GFRA1: variants seen among roughly 807,000 people sequenced by gnomAD.
GFRA1 encodes the protein GDNF family receptor alpha-1.
A neutral mutation model predicts 51.6 loss-of-function variants in GFRA1; 16 were observed. The observed-to-expected ratio is 0.31, with a 90% CI of 0.21 to 0.47. The LOEUF (loss-of-function observed/expected upper bound fraction) is 0.47. GFRA1 is among the 20% of genes least tolerant of loss of function. GFRA1 has a pLI of 1.00. For missense variants in GFRA1, 530 were observed against 594.3 expected (o/e 0.89, Z 1.13); for synonymous variants, 270 against 241.3 (o/e 1.12, Z -1.10).
chr10:116,101,207 C>A (rs1956805651), intron 6 of GFRA1, among the ~76,000 whole-genome samples: 1 of 152,184 alleles, frequency 6.6e-6, no homozygotes, highest in Non-Finnish European at 1.5e-5. Context: ...ATGTCAATGG[C>A]TTCCCTGCCT....
intron 5 of GFRA1, among the ~76,000 whole-genome samples, chr10:116,142,280 C>T (rs12762003): frequency 0.15 from 22,604 of 152,122 alleles, 2,042 homozygotes; most frequent in East Asian, 0.2. Context: ...GCCTGCAGTC[C>T]TTGAAAGCCA....
rs1388564560 is a variant in GFRA1 at position 116,067,218 on chromosome 10, G to A, written c.1198-1592C>T. ...AATAGCAAATCTGGTCCACTGCATT[G>A]TCACCTACAGAGAGTAATGTGTAGT... is the stretch of plus-strand genomic sequence containing the variant. On this transcript the variant is annotated intron_variant, in intron 9 of 10. Transcript: ENST00000355422. 2.0e-5 allele frequency among the ~76,000 whole-genome samples: 3 copies of A among 152,280 alleles called. No homozygotes were observed. The East Asian group carries it at 5.8e-4, about 29-fold the overall frequency.
chr10:116,267,939 TAACACACA>T (rs1355256551), intron 4 of GFRA1, among the ~76,000 whole-genome samples: 5 of 74,164 alleles, frequency 6.7e-5, no homozygotes, highest in Non-Finnish European at 1.4e-4. Context: ...ACTGACAGAC[TAACACACA>T]CACACACACA....
chr10:116,130,265 TTATA>T (rs1958052665), intron 5 of GFRA1, among the ~76,000 whole-genome samples: 2 of 152,102 alleles, frequency 1.3e-5, no homozygotes, highest in Middle Eastern at 3.4e-3. Flanking sequence ...ACTTAATAGC[TTATA>T]TAGTTTTAAC....
chr10:116,076,747 G>A (rs900412202), intron 9 of GFRA1, among the ~76,000 whole-genome samples: 2 of 152,090 alleles, frequency 1.3e-5, no homozygotes, highest in Non-Finnish European at 2.9e-5. Context: ...TGTTTTCAAG[G>A]GTCCTGGGAC....
At chr10:116,173,201 C>A (rs1013614265) in intron 5 of GFRA1, among the ~76,000 whole-genome samples, 6 of 152,328 alleles carry the variant, frequency 3.9e-5, no homozygotes, top group African/African-American at 1.4e-4. Flanking sequence ...CTCATCCTCA[C>A]CTGAGCAGCC....
At chr10:116,111,586 T>G (rs2901097) in intron 6 of GFRA1, among the ~76,000 whole-genome samples, 7 of 151,934 alleles carry the variant, frequency 4.6e-5, no homozygotes, top group Admixed American at 6.6e-5. Context: ...CCCTCTCCTG[T>G]GTCCTCCCCT....
chr10:116,139,916 T>C (rs1261422500), intron 5 of GFRA1, among the ~76,000 whole-genome samples: 1 of 152,220 alleles, frequency 6.6e-6, no homozygotes, highest in Non-Finnish European at 1.5e-5. Flanking sequence ...TTTCTGTGAT[T>C]TAGCATTCTC....
At chr10:116,163,749 C>G (rs7069930) in intron 5 of GFRA1, among the ~76,000 whole-genome samples, 152,203 of 152,236 alleles carry the variant, frequency 1, 76,085 homozygotes, top group Non-Finnish European at 1. Context: ...GCCACGGAGG[C>G]AGGGGATCTG....
intron 5 of GFRA1, among the ~76,000 whole-genome samples, chr10:116,198,145 C>G (rs971377083): frequency 6.6e-6 from 1 of 152,188 alleles, no homozygotes; most frequent in African/African-American, 2.4e-5. Flanking sequence ...CCACAGCAGG[C>G]TTCTGATCGG....
chr10:116,255,173 G>A (rs767256112), intron 4 of GFRA1, among the ~76,000 whole-genome samples: 2 of 152,118 alleles, frequency 1.3e-5, no homozygotes, highest in African/African-American at 2.4e-5. Context: ...AACAAATGTC[G>A]ACAAGATATA....
chr10:116,145,247 G>A (rs1332244537), intron 5 of GFRA1, among the ~76,000 whole-genome samples: 1 of 145,860 alleles, frequency 6.9e-6, no homozygotes, highest in East Asian at 2.0e-4. Flanking sequence ...ACTAGGAAAA[G>A]ATAGATGGAC....
rs371612634 is a variant in GFRA1, at chr10:116,064,525, CCTT to C, written c.1268_1270del (p.Glu423del). The C allele has an allele frequency of 8.1e-6, 13 of 1,613,140 alleles. No individual in the cohort carries two copies. The African/African-American group carries it at 1.1e-4, about 13-fold the overall frequency. ...GGTTATGTGGCTGGAAGCACCGAGACCTTCTTTTTCATAATTACCCTGTAAGGA... is the reference window on the plus strand; with the variant it reads ...GGTTATGTGGCTGGAAGCACCGAGACCTTTTTCATAATTACCCTGTAAGGA... On this transcript the variant is annotated inframe_deletion, in exon 11 of 11. Coordinates refer to ENST00000355422, the MANE Select transcript of GFRA1 (RefSeq NM_005264.8).
At chr10:116,264,269 C>T (rs1969495959) in intron 4 of GFRA1, among the ~76,000 whole-genome samples, 1 of 152,154 alleles carries the variant, frequency 6.6e-6, no homozygotes, top group South Asian at 2.1e-4. Context: ...CCCAAGCCTA[C>T]CCTCAAGCAC....
At chr10:116,081,285 T>A (rs1225932159) in intron 9 of GFRA1, among the ~76,000 whole-genome samples, 1 of 152,158 alleles carries the variant, frequency 6.6e-6, no homozygotes, top group East Asian at 1.9e-4. Context: ...CCCTGAGTGG[T>A]TAGCTCGGAA....
intron 4 of GFRA1, among the ~76,000 whole-genome samples, chr10:116,228,710 C>A (rs571534952): frequency 3.3e-5 from 5 of 151,740 alleles, no homozygotes; most frequent in African/African-American, 1.2e-4. Context: ...GGGCCGGGCA[C>A]GGTGGCTCAC....
intron 4 of GFRA1, among the ~76,000 whole-genome samples, chr10:116,269,204 C>T (rs1192596098): frequency 2.0e-5 from 3 of 151,966 alleles, no homozygotes; most frequent in Non-Finnish European, 1.5e-5. Flanking sequence ...AGTGGCACTC[C>T]CTTTGCAAGA....
At chr10:116,171,433 C>T (rs1010708961) in intron 5 of GFRA1, among the ~76,000 whole-genome samples, 9 of 152,116 alleles carry the variant, frequency 5.9e-5, no homozygotes, top group African/African-American at 9.7e-5. Context: ...CCTTCTGATC[C>T]GGCTTAAATA....
chr10:116,206,808 AT>A (rs1964811440), intron 5 of GFRA1, among the ~76,000 whole-genome samples: 6 of 150,536 alleles, frequency 4.0e-5, no homozygotes, highest in Admixed American at 4.0e-4. Flanking sequence ...AATTTTTTGT[AT>A]TTTTAGTAGA....
Sources: gnomAD v4.1 joint callset for allele counts (sites outside exome capture counted in the v4.1 genomes callset) on GRCh38, gnomAD v4.1.1 for gene constraint, MANE v1.5 for transcripts, NCBI Gene and HGNC (gene_info 2026-07-23, HGNC 2026-07-21) for gene names.